The following STK10 variants were observed in gnomAD, a reference collection of about 807,000 sequenced individuals.
STK10 encodes the protein serine/threonine-protein kinase 10.
In STK10, 78 loss-of-function variants were observed where a neutral mutation model predicts 113.8. The ratio of observed to expected loss-of-function variants is 0.69; its 90% CI spans 0.57 to 0.83. The LOEUF (loss-of-function observed/expected upper bound fraction) is 0.83. Ranked by LOEUF, STK10 falls within the 40% of genes least tolerant of loss-of-function variation. The pLI, the probability that STK10 is intolerant of heterozygous loss-of-function variation, is 0.00. For missense variants in STK10, 1,109 were observed against 1,280.1 expected (o/e 0.87, Z 2.04); for synonymous variants, 465 against 494.7 (o/e 0.94, Z 0.80).
intron 1 of STK10, among the ~76,000 whole-genome samples, chr5:172,177,772 C>T (rs1770783179): frequency 6.6e-6 from 1 of 152,194 alleles, no homozygotes; most frequent in Admixed American, 6.5e-5. Context: ...CTGCGTAACA[C>T]TCCCTTGGAC....
rs377387017 is a variant in STK10, at chr5:172,093,968, A to AAT, written c.1006-10_1006-9dup. 2.5e-3 allele frequency: 3,425 copies of AAT among 1,386,986 alleles called. No homozygotes were observed. Among genetic ancestry groups the AAT allele is most frequent in the Non-Finnish European group, 2.8e-3 (2,981 of 1,048,020 alleles). 85.9% of individuals were successfully genotyped at this position (1,386,986 alleles called of 1,614,324 possible). A position where few individuals can be genotyped will look rare whatever the true frequency, so the allele number is the denominator to read the frequency against. The stretch of plus-strand genomic sequence containing the variant: ...AGTATGGTTCTCCAGGGTCTAGAAA[A>AAT]ATATATATATATATATTAAAGGCCA... On this transcript the variant is annotated splice_polypyrimidine_tract_variant and intron_variant, in intron 8 of 18. Transcript: ENST00000176763. The surrounding 1 kb of genome is among the most constrained non-coding windows in gnomAD (Gnocchi z 4.1).
At chr5:172,101,327 C>G (rs1159437585) in intron 7 of STK10, among the ~76,000 whole-genome samples, 1 of 151,984 alleles carries the variant, frequency 6.6e-6, no homozygotes, top group Admixed American at 6.6e-5. Flanking sequence ...AAAAATTACC[C>G]AGGCGTGGTG....
chr5:172,058,285 T>C (rs1479881399), intron 14 of STK10, among the ~76,000 whole-genome samples: 1 of 152,188 alleles, frequency 6.6e-6, no homozygotes, highest in Non-Finnish European at 1.5e-5. Context: ...GTTCTGTAAA[T>C]AGGACGGTTC....
At chr5:172,162,941 G>A (rs1002138825) in intron 1 of STK10, among the ~76,000 whole-genome samples, 7 of 152,230 alleles carry the variant, frequency 4.6e-5, no homozygotes, top group African/African-American at 1.7e-4. Flanking sequence ...GCCAGTACCA[G>A]TGTCAACACA....
At position 172,057,330 on chromosome 5, in the gene STK10, G is replaced by A. The variant is rs377205624; in HGVS notation, c.2337+19C>T. On this transcript the variant is annotated intron_variant, in intron 15 of 18. Transcript: ENST00000176763. ...CGGCCCGGCAGCAGATCCGAGCCCC[G>A]TGCCACCGGCAGCCTCACCTTCTCA... 124 of 1,578,720 alleles carry A rather than the reference G, an allele frequency of 7.9e-5. No homozygotes were observed. The highest frequency in any genetic ancestry group is 6.3e-4 in the African/African-American group (47 of 74,330).
intron 1 of STK10, among the ~76,000 whole-genome samples, chr5:172,177,257 A>G (rs1484479079): frequency 2.0e-5 from 3 of 152,066 alleles, no homozygotes; most frequent in Non-Finnish European, 2.9e-5. Context: ...GGCACCATCT[A>G]TGAAGCAGAG....
intron 14 of STK10, among the ~76,000 whole-genome samples, chr5:172,059,792 T>C (rs972427538): frequency 2.0e-5 from 3 of 152,146 alleles, no homozygotes; most frequent in Non-Finnish European, 4.4e-5. Flanking sequence ...CTTGTCAAAA[T>C]GCCCCCCAAG....
At chr5:172,184,251 A>T (rs1770914321) in intron 1 of STK10, among the ~76,000 whole-genome samples, 1 of 152,162 alleles carries the variant, frequency 6.6e-6, no homozygotes, top group Non-Finnish European at 1.5e-5. Flanking sequence ...GTGGTCCTTG[A>T]TTAGAGGGGT....
chr5:172,143,164 G>A (rs1182592516), intron 2 of STK10, among the ~76,000 whole-genome samples: 1 of 152,196 alleles, frequency 6.6e-6, no homozygotes, highest in Non-Finnish European at 1.5e-5. Flanking sequence ...TCAGGAGTTT[G>A]AGACCAGCCT....
rs1449393221 is a variant in STK10, at chr5:172,094,766, A to AT, written c.1006-807dup. Among the ~76,000 whole-genome samples the AT allele has an allele frequency of 3.9e-5, 6 of 152,180 alleles. No individual in the cohort carries two copies. The East Asian group carries it at 7.7e-4, about 19-fold the overall frequency. ...AATTTTTAGGTGGCAACTAACTCAT[A>AT]TTTTTTAAAAAATCATATAAAGGCC... On this transcript the variant is annotated intron_variant, in intron 8 of 18. Transcript: ENST00000176763.
At chr5:172,090,422 G>C in intron 9 of STK10, 60 bp from the exon 10 acceptor site, 1 of 1,581,320 alleles carries the variant, frequency 6.3e-7, no homozygotes, top group Non-Finnish European at 8.6e-7. Context: ...CATGGCTGTC[G>C]CAGCAGGTGA....
At chr5:172,103,687 AG>A (rs1353192564) in intron 7 of STK10, among the ~76,000 whole-genome samples, 1 of 152,176 alleles carries the variant, frequency 6.6e-6, no homozygotes, top group African/African-American at 2.4e-5. Context: ...GAAATGTAAA[AG>A]GAACAACTGT....
intron 5 of STK10, 56 bp from the exon 6 acceptor site, chr5:172,106,870 T>C: frequency 6.5e-7 from 1 of 1,539,116 alleles, no homozygotes; most frequent in Non-Finnish European, 8.8e-7. Context: ...CAGGTGCTTC[T>C]TGGACATTCA....
At chr5:172,061,463 C>A in intron 13 of STK10, 195 bp from the exon 14 acceptor site, 1 of 671,414 alleles carries the variant, frequency 1.5e-6, no homozygotes. Flanking sequence ...CATCTGGATC[C>A]TGGATCAAAG....
At position 172,052,966 on chromosome 5, in the gene STK10, A is replaced by G. The variant is rs750084370; in HGVS notation, c.2729T>C (p.Leu910Pro). ...CCGAAGCTTGTCCCGCCATTCCTTC[A>G]GGTTCTGGTTATGGCTCTCATCCAG... ...KALDESHNQN[L>P]KEWRDKLRPR... Residue 910 changes from leucine to proline, a missense_variant, in exon 18 of 19, where the codon CTG (leucine) becomes CCG (proline). Around this residue, in one of 5 missense-constraint regions of STK10, gnomAD observed 885 missense variants for 991.1 expected, o/e 0.89. Transcript: ENST00000176763. 2 of 1,614,066 alleles carry G rather than the reference A, an allele frequency of 1.2e-6. No homozygotes were observed. Among genetic ancestry groups the G allele is most frequent in the African/African-American group, 2.7e-5 (2 of 74,918 alleles).
intron 2 of STK10, among the ~76,000 whole-genome samples, chr5:172,142,234 A>C (rs1217364970): frequency 6.6e-6 from 1 of 152,154 alleles, no homozygotes; most frequent in Non-Finnish European, 1.5e-5. Flanking sequence ...TGATTACTAC[A>C]CAAACGTCTT....
At chr5:172,047,826 A>G (rs1306832197) in intron 18 of STK10, among the ~76,000 whole-genome samples, 1 of 151,930 alleles carries the variant, frequency 6.6e-6, no homozygotes, top group Non-Finnish European at 1.5e-5. Context: ...TGTGCTGGCA[A>G]CTTCTGACAT....
chr5:172,102,233 T>C (rs1430984279), intron 7 of STK10, among the ~76,000 whole-genome samples: 1 of 152,072 alleles, frequency 6.6e-6, no homozygotes, highest in East Asian at 1.9e-4. Context: ...TCTAGGCACG[T>C]ACCGAATGCA....
intron 3 of STK10, among the ~76,000 whole-genome samples, chr5:172,122,173 C>A (rs1281230232): frequency 6.6e-6 from 1 of 152,076 alleles, no homozygotes; most frequent in Non-Finnish European, 1.5e-5. Flanking sequence ...GCCTGATACA[C>A]TTTTTAAAGT....
Sources: gnomAD v4.1 joint callset for allele counts (sites outside exome capture counted in the v4.1 genomes callset) on GRCh38, gnomAD v4.1.1 for gene constraint, gnomAD v4.1.1 regional missense constraint, Gnocchi (gnomAD v3.1) non-coding constraint, MANE v1.5 for transcripts, NCBI Gene and HGNC (gene_info 2026-07-23, HGNC 2026-07-21) for gene names.